LRP2: variants seen among roughly 807,000 people sequenced by gnomAD.
LRP2 encodes LDL receptor related protein 2.
LRP2 carries 172 observed loss-of-function variants against 531.0 expected under a neutral mutation model. The ratio of observed to expected loss-of-function variants is 0.32; its 90% CI spans 0.29 to 0.37. The LOEUF is 0.37. Among genes scored for constraint, LRP2 ranks in the 10% least tolerant of loss-of-function variants. The pLI is 1.00. For missense variants in LRP2, 5,167 were observed against 5,868.3 expected (o/e 0.88, Z 3.90); for synonymous variants, 1,992 against 2,027.6 (o/e 0.98, Z 0.47).
Position 169,132,644 on chromosome 2 carries a change from C to T in LRP2, c.13658G>A (p.Gly4553Glu). ...VSENVDNKNY[G>E]SPINPSEIVP... is the part of the protein sequence containing the mutation. ...TATCTCAGAAGGGTTTATGGGACTT[C>T]CATAATTCTTATTATCCACATTTTC... Residue 4553 changes from glycine to glutamate, a missense_variant, in exon 77 of 79, where the codon GGA becomes GAA. Around this residue, in one of 6 missense-constraint regions of LRP2, gnomAD observed 348 missense variants for 369.3 expected, o/e 0.94. Coordinates refer to ENST00000649046, the MANE Select transcript of LRP2 (RefSeq NM_004525.3). The T allele has an allele frequency of 6.2e-7, 1 of 1,609,158 alleles. No homozygotes were observed. The highest frequency in any genetic ancestry group is 8.5e-7 in the Non-Finnish European group (1 of 1,175,514).
At position 169,188,214 on chromosome 2, in the gene LRP2, T is replaced by C. The variant is rs756401775; in HGVS notation, c.9084A>G (p.Leu3028=). 6 of 1,614,066 alleles carry C rather than the reference T, an allele frequency of 3.7e-6. No homozygotes were observed. The highest frequency in any genetic ancestry group is 4.2e-6 in the Non-Finnish European group (5 of 1,180,026). The change falls in exon 49 of 79, where the codon TTA becomes TTG. Residue 3028 remains leucine, a synonymous_variant. Coordinates refer to ENST00000649046, the MANE Select transcript of LRP2 (RefSeq NM_004525.3). ...CGDYSDERGC[L]YQTCQQNQFT... ...ACTGATTCTGTTGGCAAGTCTGGTA[T>C]AAGCAGCCCCTCTCGTCGCTATAGT...
chr2:169,256,797 A>G (rs1258182348), intron 18 of LRP2, among the ~76,000 whole-genome samples: 1 of 152,110 alleles, frequency 6.6e-6, no homozygotes, highest in African/African-American at 2.4e-5. Flanking sequence ...CTACAGTTCA[A>G]CAAATCTGTA....
intron 1 of LRP2, among the ~76,000 whole-genome samples, chr2:169,351,212 CATG>C (rs1406920670): frequency 3.3e-5 from 5 of 152,134 alleles, no homozygotes; most frequent in Admixed American, 3.3e-4. Context: ...ACATGGAAGT[CATG>C]AGTGACTTTG....
At chr2:169,221,686 G>GCACACATACACACACACA (rs1270293801) in intron 33 of LRP2, among the ~76,000 whole-genome samples, 4 of 151,078 alleles carry the variant, frequency 2.6e-5, no homozygotes, top group African/African-American at 9.8e-5. Flanking sequence ...GCATTCACAC[G>GCACACATACACACACACA]CACACATACA....
At chr2:169,361,855 T>C (rs1302731126) in intron 1 of LRP2, among the ~76,000 whole-genome samples, 3 of 151,822 alleles carry the variant, frequency 2.0e-5, no homozygotes, top group African/African-American at 4.8e-5. Flanking sequence ...GTGGGAGGAG[T>C]GCTCTGGCCC....
chr2:169,316,143 A>AAC (rs1684757980), intron 3 of LRP2, among the ~76,000 whole-genome samples: 1 of 148,248 alleles, frequency 6.7e-6, no homozygotes, highest in Admixed American at 6.7e-5. Context: ...CCCTGTCTCA[A>AAC]AAAAAAAAAA....
intron 38 of LRP2, among the ~76,000 whole-genome samples, chr2:169,207,772 A>G (rs1688447453): frequency 6.6e-6 from 1 of 152,194 alleles, no homozygotes; most frequent in Non-Finnish European, 1.5e-5. Flanking sequence ...TTTTCATCCC[A>G]TGGACCTTCT....
intron 31 of LRP2, 25 bp from the exon 32 acceptor site, chr2:169,226,613 C>G (rs747791825): frequency 9.7e-6 from 15 of 1,553,988 alleles, no homozygotes; most frequent in Middle Eastern, 1.7e-4. Context: ...GAATATCAGT[C>G]AAAATCATAT....
chr2:169,207,297 G>GA (rs1688432029), intron 38 of LRP2, 47 bp from the exon 39 acceptor site: 2 of 1,320,330 alleles, frequency 1.5e-6, no homozygotes, highest in Non-Finnish European at 2.2e-6. Context: ...GAACCAAGAA[G>GA]AAAAAAAGGG....
intron 1 of LRP2, among the ~76,000 whole-genome samples, chr2:169,347,323 A>G (rs1685720802): frequency 6.6e-6 from 1 of 152,214 alleles, no homozygotes; most frequent in Non-Finnish European, 1.5e-5. Context: ...GAGACCTTTA[A>G]GCACATCCAG....
In LRP2 at chr2:169,226,579, G is replaced by C. The variant is rs758786794; in HGVS notation, c.5237C>G (p.Pro1746Arg). 6.2e-7 allele frequency: 1 copy of C among 1,610,070 alleles called. No homozygotes were observed. The highest frequency in any genetic ancestry group is 1.1e-5 in the South Asian group (1 of 90,992). ...ATGTTGCCTTACAGTTATTAAGAAA[G>C]GTTGATCATCTGTGAAAATAGAAGA... is the stretch of plus-strand genomic sequence containing the variant. ...DLLNCLRDDQ[P>R]FLITVRQHII... is the part of the protein sequence containing the mutation. Residue 1746 changes from proline (P) to arginine (R), a missense_variant, in exon 32 of 79, where the codon CCT becomes CGT. Physicochemically the swap from Pro to Arg is moderately radical, Grantham distance 103. Coordinates refer to ENST00000649046, the MANE Select transcript of LRP2 (RefSeq NM_004525.3).
chr2:169,261,266 G>A (rs949848325), intron 16 of LRP2, among the ~76,000 whole-genome samples: 1 of 152,054 alleles, frequency 6.6e-6, no homozygotes, highest in African/African-American at 2.4e-5. Context: ...TTGGAAAAAA[G>A]AAGGTATCAT....
intron 3 of LRP2, among the ~76,000 whole-genome samples, chr2:169,308,991 T>C (rs557837318): frequency 1.3e-5 from 2 of 152,334 alleles, no homozygotes; most frequent in African/African-American, 4.8e-5. Context: ...CAGCATTTTT[T>C]CATGTGTCTG....
At chr2:169,210,780 T>C (rs1688564528) in intron 37 of LRP2, among the ~76,000 whole-genome samples, 1 of 152,214 alleles carries the variant, frequency 6.6e-6, no homozygotes, top group Non-Finnish European at 1.5e-5. Flanking sequence ...TATGAATATT[T>C]CATAATGCCC....
chr2:169,129,165 A>T (rs1685197865), intron 77 of LRP2, 81 bp from the exon 78 acceptor site: 1 of 1,058,174 alleles, frequency 9.5e-7, no homozygotes, highest in East Asian at 2.4e-5. Flanking sequence ...TCAGTTTTAA[A>T]ATTTCTTCTT....
intron 52 of LRP2, among the ~76,000 whole-genome samples, chr2:169,179,697 G>C (rs1171975553): frequency 6.8e-6 from 1 of 146,650 alleles, no homozygotes; most frequent in Non-Finnish European, 1.5e-5. Flanking sequence ...TTCAGCCTGG[G>C]CAACAAGAGC....
chr2:169,235,858 C>T lies in LRP2; in HGVS notation c.4902G>A (p.Gln1634=). The T allele has an allele frequency of 6.2e-7, 1 of 1,614,060 alleles. No individual in the cohort carries two copies. The highest frequency in any genetic ancestry group is 8.5e-7 in the Non-Finnish European group (1 of 1,179,934). The change falls in exon 29 of 79, where the codon CAG becomes CAA. Residue 1634 remains glutamine (Q), a synonymous_variant. Coordinates refer to ENST00000649046, the MANE Select transcript of LRP2 (RefSeq NM_004525.3). ...AACTTACCAAATCACTGGCTATCAC[C>T]TGTCTCCGATGGTGTCCATTATAAT... ...FCDYNGHHRR[Q]VIASDLIIRH...
chr2:169,291,032 G>A lies in LRP2; in HGVS notation c.770-35C>T, dbSNP rs987503896. On this transcript the variant is annotated intron_variant, in intron 7 of 78. Coordinates refer to ENST00000649046, the MANE Select transcript of LRP2 (RefSeq NM_004525.3). ...GAAAAAGAGAGAGTTACAGGCCATAGGGGAGGTACAGCCAGCTCTTTGTTA... is the reference window on the plus strand; with the variant it reads ...GAAAAAGAGAGAGTTACAGGCCATAAGGGAGGTACAGCCAGCTCTTTGTTA... 7 of 1,605,886 alleles carry A rather than the reference G, an allele frequency of 4.4e-6. No homozygotes were observed. In the African/African-American group the frequency reaches 5.4e-5, roughly 12 times the overall value.
chr2:169,243,075 A>G lies in LRP2; in HGVS notation c.3551-3T>C. On this transcript the variant is annotated splice_polypyrimidine_tract_variant and splice_region_variant and intron_variant, in intron 23 of 78. Coordinates refer to ENST00000649046, the MANE Select transcript of LRP2 (RefSeq NM_004525.3). ...TTGAGAAGCAGTACAGTTTAATACTAAGAATGAAAGAGAAAAGCATTAGAA... is the reference window on the plus strand; with the variant it reads ...TTGAGAAGCAGTACAGTTTAATACTGAGAATGAAAGAGAAAAGCATTAGAA... 6.3e-7 allele frequency: 1 copy of G among 1,594,310 alleles called. No individual in the cohort carries two copies. The highest frequency in any genetic ancestry group is 8.6e-7 in the Non-Finnish European group (1 of 1,162,048).
Sources: gnomAD v4.1 joint callset for allele counts (sites outside exome capture counted in the v4.1 genomes callset) on GRCh38, gnomAD v4.1.1 for gene constraint, gnomAD v4.1.1 regional missense constraint, MANE v1.5 for transcripts, NCBI Gene and HGNC (gene_info 2026-07-23, HGNC 2026-07-21) for gene names.